GRB14: variants seen among roughly 807,000 people sequenced by gnomAD.
GRB14 encodes the protein growth factor receptor-bound protein 14.
GRB14 carries 38 observed loss-of-function variants against 69.1 expected under a neutral mutation model. That is an observed-to-expected ratio of 0.55 (90% confidence interval 0.42 to 0.72). GRB14 has a LOEUF of 0.72. Ranked by LOEUF, GRB14 falls within the 30% of genes least tolerant of loss-of-function variation. GRB14 has a pLI of 0.00. For synonymous variants in GRB14, 247 were observed against 241.3 expected, an observed-to-expected ratio of 1.02 and a Z score of -0.22; for missense variants, 666 against 666.1, an observed-to-expected ratio of 1.00 and a Z score of 0.00.
chr2:164,554,856 T>C (rs1293889042), intron 2 of GRB14, among the ~76,000 whole-genome samples: 3 of 151,396 alleles, frequency 2.0e-5, no homozygotes, highest in African/African-American at 7.3e-5. Context: ...TTAAAAAAAC[T>C]AACACAACCC....
chr2:164,496,966 A>G, intron 12 of GRB14, 42 bp downstream of exon 12: 1 of 1,457,280 alleles, frequency 6.9e-7, no homozygotes, highest in Non-Finnish European at 9.6e-7. Context: ...TATAGGAGAA[A>G]TCCAATTCAC....
chr2:164,556,833 C>T (rs1302778949), intron 2 of GRB14, among the ~76,000 whole-genome samples: 1 of 152,130 alleles, frequency 6.6e-6, no homozygotes, highest in African/African-American at 2.4e-5. Context: ...CTCTTTATAT[C>T]CCCAGCAGTG....
At chr2:164,601,796 C>G (rs1371081812) in intron 2 of GRB14, among the ~76,000 whole-genome samples, 1 of 152,028 alleles carries the variant, frequency 6.6e-6, no homozygotes, top group African/African-American at 2.4e-5. Context: ...CAACTGCAGA[C>G]CTTCACAATT....
chr2:164,526,115 A>T (rs1331667883), intron 4 of GRB14, among the ~76,000 whole-genome samples: 9 of 152,156 alleles, frequency 5.9e-5, no homozygotes, highest in Non-Finnish European at 8.8e-5. Context: ...TTTAATTTTT[A>T]TTATGACTAA....
intron 2 of GRB14, among the ~76,000 whole-genome samples, chr2:164,565,372 T>A (rs1372705940): frequency 6.6e-6 from 1 of 151,992 alleles, no homozygotes; most frequent in Non-Finnish European, 1.5e-5. Flanking sequence ...TTGGTGGAGG[T>A]GCAGAGGAAG....
chr2:164,551,517 G>A (rs2105313904), intron 2 of GRB14, among the ~76,000 whole-genome samples: 1 of 152,258 alleles, frequency 6.6e-6, no homozygotes, highest in Middle Eastern at 3.4e-3. Flanking sequence ...TGCAGGTGGG[G>A]CCCCTATAAA....
chr2:164,562,188 C>T (rs939067273), intron 2 of GRB14, among the ~76,000 whole-genome samples: 1 of 152,076 alleles, frequency 6.6e-6, no homozygotes, highest in Non-Finnish European at 1.5e-5. Flanking sequence ...ATAGTAACAC[C>T]ACTTGCCTAC....
intron 2 of GRB14, among the ~76,000 whole-genome samples, chr2:164,561,179 G>A (rs1348291467): frequency 6.6e-6 from 1 of 152,038 alleles, no homozygotes; most frequent in East Asian, 1.9e-4. Flanking sequence ...TGTACTCATG[G>A]GGGTTCAGCC....
chr2:164,608,507 T>C (rs1574353676), intron 2 of GRB14, among the ~76,000 whole-genome samples: 1 of 151,888 alleles, frequency 6.6e-6, no homozygotes. Flanking sequence ...GCCTATCTCA[T>C]ATCAACTAGG....
At chr2:164,565,290 A>ACACACG (rs1688942187) in intron 2 of GRB14, among the ~76,000 whole-genome samples, 1 of 127,574 alleles carries the variant, frequency 7.8e-6, no homozygotes, top group Non-Finnish European at 1.9e-5. Context: ...ACACACACAC[A>ACACACG]CACACACACA....
chr2:164,541,479 A>T (rs954679493), intron 3 of GRB14, among the ~76,000 whole-genome samples: 1 of 151,436 alleles, frequency 6.6e-6, no homozygotes, highest in Non-Finnish European at 1.5e-5. Context: ...TCTCCAAAAA[A>T]TAATAATAAT....
At chr2:164,530,233 G>C (rs1019143557) in intron 3 of GRB14, among the ~76,000 whole-genome samples, 1 of 152,106 alleles carries the variant, frequency 6.6e-6, no homozygotes, top group African/African-American at 2.4e-5. Context: ...GAGCAGGCGT[G>C]TCACACGGCA....
intron 2 of GRB14, among the ~76,000 whole-genome samples, chr2:164,601,631 A>G (rs1689916499): frequency 6.6e-6 from 1 of 152,168 alleles, no homozygotes; most frequent in African/African-American, 2.4e-5. Context: ...CAAAACTAGG[A>G]CAAAACTAAG....
At chr2:164,615,070 A>T (rs910908111) in intron 2 of GRB14, among the ~76,000 whole-genome samples, 2 of 152,200 alleles carry the variant, frequency 1.3e-5, no homozygotes, top group East Asian at 1.9e-4. Flanking sequence ...GGGACAGGAC[A>T]CATTGAGACA....
chr2:164,585,480 A>G (rs934208157), intron 2 of GRB14, among the ~76,000 whole-genome samples: 15 of 152,128 alleles, frequency 9.9e-5, no homozygotes, highest in African/African-American at 3.6e-4. Context: ...TATTTCCCAA[A>G]TATCTGACAA....
chr2:164,549,507 T>C (rs1688471138), intron 2 of GRB14, among the ~76,000 whole-genome samples: 1 of 152,170 alleles, frequency 6.6e-6, no homozygotes, highest in South Asian at 2.1e-4. Context: ...CTAAAGGTCA[T>C]TCAATAACTA....
intron 8 of GRB14, among the ~76,000 whole-genome samples, chr2:164,505,832 C>A (rs1687174816): frequency 6.6e-6 from 1 of 152,088 alleles, no homozygotes. Flanking sequence ...ATCATATCAT[C>A]ATTTTATTGG....
chr2:164,517,056 T>G (rs979601104), intron 6 of GRB14, among the ~76,000 whole-genome samples: 41 of 152,080 alleles, frequency 2.7e-4, no homozygotes, highest in African/African-American at 8.2e-4. Flanking sequence ...GATAAAGATA[T>G]ACTTTATCAG....
chr2:164,508,571 GT>G (rs1559025288), intron 7 of GRB14, 21 bp from the exon 8 acceptor site: 1 of 1,603,790 alleles, frequency 6.2e-7, no homozygotes, highest in Non-Finnish European at 8.5e-7. Flanking sequence ...ACAGCACATT[GT>G]TTATCGTTAA....
Sources: gnomAD v4.1 joint callset for allele counts (sites outside exome capture counted in the v4.1 genomes callset) on GRCh38, gnomAD v4.1.1 for gene constraint, MANE v1.5 for transcripts, NCBI Gene and HGNC (gene_info 2026-07-23, HGNC 2026-07-21) for gene names.